Variants in NINL observed in about 807,000 individuals in gnomAD.
NINL encodes the protein ninein like, also known as ninein-like protein.
A neutral mutation model predicts 160.3 loss-of-function variants in NINL; 153 were observed. The ratio of observed to expected loss-of-function variants is 0.95; its 90% CI spans 0.84 to 1.09. The LOEUF is 1.09. NINL is among the 50% of genes least tolerant of loss of function. The probability of loss-of-function intolerance (pLI) is 0.00; values close to 1 mark genes in which losing one functional copy is unlikely to be tolerated. For missense variants in NINL, 1,829 were observed against 1,764.0 expected, an observed-to-expected ratio of 1.04 and a Z score of -0.66; for synonymous variants, 800 against 734.8, an observed-to-expected ratio of 1.09 and a Z score of -1.43.
chr20:25,489,402 A>C (rs2063573806), intron 12 of NINL, 78 bp from the exon 13 acceptor site: 1 of 1,307,024 alleles, frequency 7.7e-7, no homozygotes, highest in South Asian at 1.2e-5. Flanking sequence ...CCTGGGCTCC[A>C]AGAACCTGCC....
intron 8 of NINL, chr20:25,499,357 A>C (rs1349096726): frequency 1.1e-5 from 5 of 445,846 alleles, no homozygotes; most frequent in Non-Finnish European, 1.5e-5. Context: ...TCATGAAGCG[A>C]GGGAGAAGCC....
At chr20:25,541,866 G>GT (rs1463103400) in intron 1 of NINL, among the ~76,000 whole-genome samples, 1 of 152,212 alleles carries the variant, frequency 6.6e-6, no homozygotes, top group Non-Finnish European at 1.5e-5. Flanking sequence ...AATCATCCGT[G>GT]TATGATCAAA....
At chr20:25,518,750 C>T (rs534897174) in intron 2 of NINL, among the ~76,000 whole-genome samples, 2 of 151,848 alleles carry the variant, frequency 1.3e-5, no homozygotes, top group Non-Finnish European at 1.5e-5. Context: ...TCTCTCCCCT[C>T]CCCCACCCTG....
rs2063856527 is a variant in NINL at position 25,500,969 on chromosome 20, G to A, written c.903C>T (p.Ser301=). The A allele has an allele frequency of 6.2e-7, 1 of 1,614,066 alleles. No individual in the cohort carries two copies. The highest frequency in any genetic ancestry group is 1.1e-5 in the South Asian group (1 of 91,078). The change falls in exon 8 of 24, where the codon TCC becomes TCT. Residue 301 remains serine, a synonymous_variant. Transcript: ENST00000278886. ...ESGCHTTTTS[S]LVSLCSSLRL... ...GCAGGCTGGAGCACAGGGACACGAG[G>A]GATGAGGTTGTGGTGGTGTGGCAGC...
At chr20:25,455,810 T>A in intron 22 of NINL, 24 bp from the exon 23 acceptor site, 1 of 1,593,912 alleles carries the variant, frequency 6.3e-7, no homozygotes, top group Non-Finnish European at 8.6e-7. Context: ...AGGTTGCAGG[T>A]GGCCGGGCAT....
chr20:25,584,645 C>T (rs2065207726), intron 1 of NINL, among the ~76,000 whole-genome samples: 1 of 152,202 alleles, frequency 6.6e-6, no homozygotes, highest in Non-Finnish European at 1.5e-5. Flanking sequence ...GCCCCGCCAG[C>T]TTCATGGGTC....
At chr20:25,511,444 G>A (rs1234946421) in intron 4 of NINL, among the ~76,000 whole-genome samples, 2 of 152,216 alleles carry the variant, frequency 1.3e-5, no homozygotes, top group Admixed American at 6.5e-5. Context: ...TCCAGGTGTT[G>A]TGTGTCCCCA....
chr20:25,533,408 T>C (rs2064501692), intron 1 of NINL, among the ~76,000 whole-genome samples: 1 of 152,096 alleles, frequency 6.6e-6, no homozygotes, highest in African/African-American at 2.4e-5. Context: ...AAGGGAAGTT[T>C]CCTGGACACT....
intron 1 of NINL, among the ~76,000 whole-genome samples, chr20:25,534,973 T>C (rs773161194): frequency 6.6e-6 from 1 of 152,178 alleles, no homozygotes; most frequent in Admixed American, 6.5e-5. Context: ...GAGGCAACCA[T>C]CACATGCCTA....
At chr20:25,463,373 T>A (rs1455259367) in intron 19 of NINL, among the ~76,000 whole-genome samples, 1 of 152,210 alleles carries the variant, frequency 6.6e-6, no homozygotes, top group Non-Finnish European at 1.5e-5. Flanking sequence ...CTCTTAAGTC[T>A]CCTCTGATCT....
Position 25,504,059 on chromosome 20 carries a change from T to C in NINL, c.754A>G (p.Lys252Glu), listed in dbSNP as rs2063917369. The C allele has an allele frequency of 6.2e-7, 1 of 1,607,462 alleles. No homozygotes were observed. The highest frequency in any genetic ancestry group is 1.3e-5 in the African/African-American group (1 of 74,598). Residue 252 changes from lysine (K) to glutamate (E), a missense_variant, in exon 7 of 24, where the codon AAA (lysine) becomes GAA (glutamate). Coordinates refer to ENST00000278886, the MANE Select transcript of NINL (RefSeq NM_025176.6). ...AGCTGGAATTCCTCAAGACTCACTT[T>C]GCCGTCTCCGTCTTGATCCAGTTTG... ...FNKLDQDGDG[K>E]VSLEEFQLGL...
In NINL at chr20:25,457,021, G is replaced by T. The variant is rs73333590; in HGVS notation, c.3844-1235C>A. 6.6e-3 allele frequency among the ~76,000 whole-genome samples: 994 copies of T among 151,568 alleles called. 16 individuals carry two copies. The highest frequency in any genetic ancestry group is 0.023 in the African/African-American group (953 of 41,314). ...TAACCTTTCATCTGTCCAGAGCAAGGGTTTAAAAATGTTCTGGCCCAGGGC... is the reference window on the plus strand; with the variant it reads ...TAACCTTTCATCTGTCCAGAGCAAGTGTTTAAAAATGTTCTGGCCCAGGGC... On this transcript the variant is annotated intron_variant, in intron 22 of 23. Coordinates refer to ENST00000278886, the MANE Select transcript of NINL (RefSeq NM_025176.6).
At chr20:25,466,456 T>C (rs760891562) in intron 19 of NINL, among the ~76,000 whole-genome samples, 1 of 152,212 alleles carries the variant, frequency 6.6e-6, no homozygotes, top group Non-Finnish European at 1.5e-5. Flanking sequence ...ATGTGGATGA[T>C]CACTCTATAT....
chr20:25,482,176 A>AG, intron 13 of NINL, 76 bp from the exon 14 acceptor site: 8 of 1,520,766 alleles, frequency 5.3e-6, no homozygotes, highest in South Asian at 5.0e-5. Context: ...GCTGGCCTCC[A>AG]GGGGGGTCCC....
chr20:25,497,151 G>A (rs1373205210), intron 9 of NINL, among the ~76,000 whole-genome samples: 2 of 152,222 alleles, frequency 1.3e-5, no homozygotes, highest in Admixed American at 6.5e-5. Context: ...GCAGCTGGGC[G>A]TGGATCGCAA....
At chr20:25,549,258 G>A (rs1447441580) in intron 1 of NINL, among the ~76,000 whole-genome samples, 1 of 148,140 alleles carries the variant, frequency 6.8e-6, no homozygotes, top group East Asian at 2.0e-4. Context: ...ACCCAGGGCT[G>A]ACCCCGGGAC....
Position 25,453,214 on chromosome 20 carries a change from G to T in NINL, c.*237C>A. ...TGGCAAAACTGGGAATTTTGCCAAG[G>T]GAAATTACTCAGGACCGCTAATAAA... On this transcript the variant is annotated 3_prime_UTR_variant, in exon 24 of 24. Transcript: ENST00000278886. 1 of 375,660 alleles carries T rather than the reference G, an allele frequency of 2.7e-6. No individual in the cohort carries two copies. Among genetic ancestry groups the T allele is most frequent in the South Asian group, 9.0e-5 (1 of 11,130 alleles). The allele number at this position is 375,660 out of a possible 1,614,324, so 23.3% of individuals were successfully genotyped here.
intron 1 of NINL, among the ~76,000 whole-genome samples, chr20:25,576,743 T>C (rs776162110): frequency 1.4e-4 from 22 of 152,202 alleles, no homozygotes; most frequent in Non-Finnish European, 2.9e-4. Flanking sequence ...ATTACATGCA[T>C]GTGCCACCGT....
intron 4 of NINL, among the ~76,000 whole-genome samples, chr20:25,512,505 G>T (rs1434802686): frequency 6.6e-6 from 1 of 152,178 alleles, no homozygotes; most frequent in Admixed American, 6.5e-5. Flanking sequence ...CTCCAGTCAT[G>T]TAAGACATGC....
Sources: allele counts gnomAD v4.1 joint callset (sites outside exome capture counted in the v4.1 genomes callset), GRCh38; gene constraint gnomAD v4.1.1; transcripts MANE v1.5; gene names NCBI Gene and HGNC (gene_info 2026-07-23, HGNC 2026-07-21).